PLCXD3: variants seen among roughly 807,000 people sequenced by gnomAD.
PLCXD3 encodes phosphatidylinositol specific phospholipase C X domain containing 3.
Under a neutral mutation model 25.5 loss-of-function variants are expected in PLCXD3, and 19 were observed. The observed-to-expected ratio is 0.75, with a 90% CI of 0.52 to 1.09. The LOEUF is 1.09. Among genes scored for constraint, PLCXD3 ranks in the 50% least tolerant of loss-of-function variants. The pLI, the probability that PLCXD3 is intolerant of heterozygous loss-of-function variation, is 0.00. For missense variants in PLCXD3, 411 were observed against 388.1 expected (o/e 1.06, Z -0.50); for synonymous variants, 174 against 137.6 (o/e 1.26, Z -1.85).
chr5:41,316,051 C>T (rs1743280152), intron 2 of PLCXD3, among the ~76,000 whole-genome samples: 2 of 152,220 alleles, frequency 1.3e-5, no homozygotes, highest in South Asian at 4.1e-4. Flanking sequence ...GCTGGCATCA[C>T]CTCTCCCCTA....
chr5:41,413,292 C>T (rs749759255), intron 1 of PLCXD3, among the ~76,000 whole-genome samples: 1 of 152,144 alleles, frequency 6.6e-6, no homozygotes, highest in Non-Finnish European at 1.5e-5. Flanking sequence ...CGAGCTGGCT[C>T]AATTGCAGTG....
intron 2 of PLCXD3, among the ~76,000 whole-genome samples, chr5:41,331,329 A>G (rs1398167821): frequency 1.3e-5 from 2 of 152,250 alleles, no homozygotes; most frequent in East Asian, 3.9e-4. Flanking sequence ...TCATGAGTGA[A>G]CTCCCATTCA....
At position 41,397,733 on chromosome 5, in the gene PLCXD3, C is replaced by A. The variant is rs1746053052; in HGVS notation, c.104-15199G>T. Among the ~76,000 whole-genome samples the A allele has an allele frequency of 1.3e-5, 2 of 152,222 alleles. 1 individual carries two copies. Among genetic ancestry groups the A allele is most frequent in the South Asian group, 4.1e-4 (2 of 4,836 alleles). ...TGTGAAAGCAGCCATGGGGGCTGTA[C>A]TCTGCAGAGTCACAGATGTGGAACT... On this transcript the variant is annotated intron_variant, in intron 1 of 2. Transcript: ENST00000377801.
chr5:41,368,904 A>C (rs572582396), intron 2 of PLCXD3, among the ~76,000 whole-genome samples: 2 of 152,210 alleles, frequency 1.3e-5, no homozygotes, highest in South Asian at 2.1e-4. Flanking sequence ...CAGCCTTTCT[A>C]TAAACAACCC....
chr5:41,453,322 G>A (rs1747679298), intron 1 of PLCXD3, among the ~76,000 whole-genome samples: 1 of 149,408 alleles, frequency 6.7e-6, no homozygotes, highest in African/African-American at 2.5e-5. Context: ...TTGGCTGTAT[G>A]TTTTGCTACT....
chr5:41,315,339 A>G (rs1022592830), intron 2 of PLCXD3, among the ~76,000 whole-genome samples: 1 of 152,122 alleles, frequency 6.6e-6, no homozygotes, highest in African/African-American at 2.4e-5. Context: ...AGAAAAGGGA[A>G]GAAGGGGAGG....
intron 1 of PLCXD3, among the ~76,000 whole-genome samples, chr5:41,501,125 C>A (rs1375534480): frequency 6.6e-6 from 1 of 151,920 alleles, no homozygotes; most frequent in Non-Finnish European, 1.5e-5. Context: ...AATTGTGCAG[C>A]CTCTATGGAG....
chr5:41,365,829 C>A (rs1744918879), intron 2 of PLCXD3, among the ~76,000 whole-genome samples: 1 of 151,992 alleles, frequency 6.6e-6, no homozygotes, highest in South Asian at 2.1e-4. Context: ...TACATCTACT[C>A]ACTTGAAATA....
intron 1 of PLCXD3, among the ~76,000 whole-genome samples, chr5:41,407,464 G>A (rs191214439): frequency 6.6e-5 from 10 of 152,246 alleles, no homozygotes; most frequent in African/African-American, 2.2e-4. Flanking sequence ...TTACTGTGTT[G>A]ATTAAACTTA....
chr5:41,476,524 C>T (rs926363726), intron 1 of PLCXD3, among the ~76,000 whole-genome samples: 26 of 152,178 alleles, frequency 1.7e-4, no homozygotes, highest in Admixed American at 1.7e-3. Context: ...TGGTTGGCAA[C>T]ATCTTATACA....
At chr5:41,375,901 G>A (rs1327804544) in intron 2 of PLCXD3, among the ~76,000 whole-genome samples, 1 of 152,038 alleles carries the variant, frequency 6.6e-6, no homozygotes, top group East Asian at 1.9e-4. Flanking sequence ...CTTTAATATG[G>A]GATTTTAAAG....
intron 1 of PLCXD3, among the ~76,000 whole-genome samples, chr5:41,492,654 T>C (rs1748730923): frequency 6.6e-6 from 1 of 152,224 alleles, no homozygotes; most frequent in Non-Finnish European, 1.5e-5. Flanking sequence ...TTTTTTTCTC[T>C]AAACTTCCCT....
chr5:41,458,842 C>T (rs888576608), intron 1 of PLCXD3, among the ~76,000 whole-genome samples: 27 of 151,886 alleles, frequency 1.8e-4, no homozygotes, highest in African/African-American at 6.5e-4. Context: ...CTTGTGAGAC[C>T]CTGTAAAATA....
intron 1 of PLCXD3, among the ~76,000 whole-genome samples, chr5:41,434,275 T>C (rs187245895): frequency 2.0e-3 from 301 of 152,354 alleles, no homozygotes; most frequent in African/African-American, 6.7e-3. Flanking sequence ...CTCTCATTCA[T>C]TTATTAATTC....
At chr5:41,335,995 C>T (rs1163383900) in intron 2 of PLCXD3, among the ~76,000 whole-genome samples, 1 of 152,084 alleles carries the variant, frequency 6.6e-6, no homozygotes, top group Non-Finnish European at 1.5e-5. Flanking sequence ...AAACTACTCC[C>T]CAAGGACTCA....
At chr5:41,489,123 G>A (rs1194322513) in intron 1 of PLCXD3, among the ~76,000 whole-genome samples, 1 of 152,136 alleles carries the variant, frequency 6.6e-6, no homozygotes, top group South Asian at 2.1e-4. Context: ...GTAAGGAAGG[G>A]ATCCAGTTTC....
intron 2 of PLCXD3, among the ~76,000 whole-genome samples, chr5:41,357,521 A>G (rs1285911001): frequency 1.3e-5 from 2 of 152,212 alleles, no homozygotes; most frequent in East Asian, 3.8e-4. Flanking sequence ...CAGCTTTAGA[A>G]CAATTTTAGG....
chr5:41,488,425 G>C (rs376819474), intron 1 of PLCXD3, among the ~76,000 whole-genome samples: 2 of 124,714 alleles, frequency 1.6e-5, no homozygotes, highest in Admixed American at 8.1e-5. Flanking sequence ...ATGATTTATA[G>C]TCCTTTGGGT....
chr5:41,411,029 A>G (rs1277685413), intron 1 of PLCXD3, among the ~76,000 whole-genome samples: 2 of 152,102 alleles, frequency 1.3e-5, no homozygotes, highest in South Asian at 4.1e-4. Flanking sequence ...CAAATGGGGG[A>G]GGGCAGATTA....
Sources: allele counts gnomAD v4.1 joint callset (sites outside exome capture counted in the v4.1 genomes callset), GRCh38; gene constraint gnomAD v4.1.1; transcripts MANE v1.5; gene names NCBI Gene and HGNC (gene_info 2026-07-23, HGNC 2026-07-21).